SYNPR: variants seen among roughly 807,000 people sequenced by gnomAD.
SYNPR encodes the protein synaptoporin.
Under a neutral mutation model 32.9 loss-of-function variants are expected in SYNPR, and 23 were observed. The observed-to-expected ratio is 0.70, with a 90% CI of 0.50 to 0.99. The LOEUF (loss-of-function observed/expected upper bound fraction) is 0.99. Among genes scored for constraint, SYNPR ranks in the 50% least tolerant of loss-of-function variants. The probability of loss-of-function intolerance (pLI) is 0.00; values close to 1 mark genes in which losing one functional copy is unlikely to be tolerated. For synonymous variants in SYNPR, 146 were observed against 135.9 expected (o/e 1.07, Z -0.52); for missense variants, 318 against 349.3 (o/e 0.91, Z 0.71).
At chr3:63,586,808 T>C (rs1328232858) in intron 4 of SYNPR, among the ~76,000 whole-genome samples, 1 of 151,926 alleles carries the variant, frequency 6.6e-6, no homozygotes, top group Admixed American at 6.6e-5. Context: ...ACAGTGCTTT[T>C]TGCAATGTAG....
chr3:63,265,980 A>G (rs72878289), intron 2 of SYNPR, among the ~76,000 whole-genome samples: 12,046 of 152,298 alleles, frequency 0.079, 1,366 homozygotes, highest in African/African-American at 0.25. Context: ...GCTATAGAGC[A>G]GGAAGAGTAT....
intron 2 of SYNPR, among the ~76,000 whole-genome samples, chr3:63,412,982 A>G (rs1471727104): frequency 6.6e-6 from 1 of 152,138 alleles, no homozygotes; most frequent in East Asian, 1.9e-4. Flanking sequence ...TAGCAGGTGG[A>G]TTTTATGTTT....
upstream of SYNPR, among the ~76,000 whole-genome samples, chr3:63,273,785 A>G (rs1324129381): frequency 2.0e-5 from 3 of 152,250 alleles, no homozygotes; most frequent in Non-Finnish European, 4.4e-5. Flanking sequence ...ATGAACTTTT[A>G]AACTAAACAA....
chr3:63,607,304 A>G (rs1428655057), intron 4 of SYNPR, among the ~76,000 whole-genome samples: 2 of 152,238 alleles, frequency 1.3e-5, no homozygotes, highest in African/African-American at 4.8e-5. Context: ...GCATGAATGA[A>G]TGAAGGTACC....
the SYNPR span, among the ~76,000 whole-genome samples, chr3:63,208,911 T>C: frequency 1.3e-5 from 2 of 152,318 alleles, no homozygotes; most frequent in Admixed American, 6.5e-5. Flanking sequence ...ACTACTTCCC[T>C]CAAAGGTTTG....
rs192402072 is a variant in SYNPR, at chr3:63,404,586, A to T, written c.85-76246A>T. Among the ~76,000 whole-genome samples, 367 of 152,256 alleles carry T rather than the reference A, an allele frequency of 2.4e-3. 5 individuals carry two copies. In the Middle Eastern group the frequency reaches 0.041, roughly 17 times the overall value. On this transcript the variant is annotated intron_variant, in intron 2 of 5. Transcript: ENST00000478300. ...TTTTTATAAACTATCATTTCAATGA[A>T]ATTTTAATTACATGCTTTTTATTCA...
intron 1 of SYNPR, among the ~76,000 whole-genome samples, chr3:63,245,769 T>C (rs2086283360): frequency 6.9e-6 from 1 of 144,040 alleles, no homozygotes; most frequent in Non-Finnish European, 1.5e-5. Flanking sequence ...GTGTGTGTGG[T>C]ATATTTTATA....
chr3:63,606,439 T>TTTTTTTTTTTTG (rs1553651989), intron 4 of SYNPR, among the ~76,000 whole-genome samples: 1 of 145,856 alleles, frequency 6.9e-6, no homozygotes, highest in East Asian at 2.0e-4. Context: ...TTTTTTTTTT[T>TTTTTTTTTTTTG]AGCAATGAGA....
rs1701596844 is a variant in SYNPR at position 63,506,760 on chromosome 3, C to A, written c.209+25804C>A. Reference sequence around the variant, plus strand: ...TTAACAAATTTTCTCATTTTAACTGCAAAAGAGGAGGTATAATCTTAAAAG... The same window carrying A: ...TTAACAAATTTTCTCATTTTAACTGAAAAAGAGGAGGTATAATCTTAAAAG... On this transcript the variant is annotated intron_variant, in intron 3 of 5. Transcript: ENST00000478300. 2.0e-5 allele frequency among the ~76,000 whole-genome samples: 3 copies of A among 152,056 alleles called. No individual in the cohort carries two copies. In the South Asian group the frequency reaches 6.2e-4, roughly 32 times the overall value.
chr3:63,419,977 T>C (rs2088586694), intron 2 of SYNPR, among the ~76,000 whole-genome samples: 1 of 152,212 alleles, frequency 6.6e-6, no homozygotes, highest in South Asian at 2.1e-4. Context: ...GCATAAAATG[T>C]TCAGACCTTA....
intron 2 of SYNPR, among the ~76,000 whole-genome samples, chr3:63,408,308 G>GA (rs1401525947): frequency 7.5e-5 from 8 of 106,254 alleles, no homozygotes; most frequent in African/African-American, 3.5e-4. Context: ...AGGAAGGAAG[G>GA]AAGGAAGGAA....
intron 2 of SYNPR, among the ~76,000 whole-genome samples, chr3:63,309,124 G>A (rs1490119187): frequency 6.6e-6 from 1 of 151,856 alleles, no homozygotes; most frequent in Non-Finnish European, 1.5e-5. Context: ...CTTCTAATCT[G>A]TTATTAATTC....
At chr3:63,390,732 C>T (rs2107083937) in intron 2 of SYNPR, among the ~76,000 whole-genome samples, 1 of 152,318 alleles carries the variant, frequency 6.6e-6, no homozygotes, top group Admixed American at 6.5e-5. Context: ...ATGCACCCCT[C>T]CTCGGGGCCT....
At chr3:63,242,596 A>G (rs1237712447) in intron 1 of SYNPR, among the ~76,000 whole-genome samples, 1 of 152,108 alleles carries the variant, frequency 6.6e-6, no homozygotes, top group African/African-American at 2.4e-5. Flanking sequence ...AGACCCTCAG[A>G]AGAGACAAAG....
At chr3:63,609,888 C>A (rs973466717) in intron 5 of SYNPR, among the ~76,000 whole-genome samples, 3 of 152,118 alleles carry the variant, frequency 2.0e-5, no homozygotes, top group South Asian at 2.1e-4. Flanking sequence ...CCAGCCTGAG[C>A]AACAGAGTGA....
chr3:63,225,287 C>T (rs1033138384), upstream of SYNPR, among the ~76,000 whole-genome samples: 1 of 152,190 alleles, frequency 6.6e-6, no homozygotes, highest in African/African-American at 2.4e-5. Context: ...GAGTTGCAGG[C>T]CATTCATTCC....
At chr3:63,591,005 C>T (rs1015995061) in intron 4 of SYNPR, among the ~76,000 whole-genome samples, 8 of 147,590 alleles carry the variant, frequency 5.4e-5, no homozygotes, top group African/African-American at 2.0e-4. Flanking sequence ...AAACTACCAT[C>T]AGAGTGAACA....
Position 63,616,539 on chromosome 3 carries a change from A to T in SYNPR, c.*1058A>T, listed in dbSNP as rs934374904. The T allele has an allele frequency of 6.6e-6, 1 of 152,636 alleles. No homozygotes were observed. Among genetic ancestry groups the T allele is most frequent in the African/African-American group, 2.4e-5 (1 of 41,450 alleles). The allele number at this position is 152,636 out of a possible 1,614,324, so 9.5% of individuals were successfully genotyped here. A position where few individuals can be genotyped will look rare whatever the true frequency, so the allele number is the denominator to read the frequency against. On this transcript the variant is annotated 3_prime_UTR_variant, in exon 6 of 6. Coordinates refer to ENST00000478300, the MANE Select transcript of SYNPR (RefSeq NM_001130003.2). Reference sequence around the variant, plus strand: ...TCAATGTAATTATTAAAAATTCTCAAGTCACAGCTAAACTTACTAATTCTG... The same window carrying T: ...TCAATGTAATTATTAAAAATTCTCATGTCACAGCTAAACTTACTAATTCTG...
At chr3:63,554,837 A>G (rs35525691) in intron 3 of SYNPR, among the ~76,000 whole-genome samples, 46,764 of 152,012 alleles carry the variant, frequency 0.31, 7,331 homozygotes, top group South Asian at 0.4. Flanking sequence ...GATTCTTCCA[A>G]TCCATGAACA....
Sources: allele counts gnomAD v4.1 joint callset (sites outside exome capture counted in the v4.1 genomes callset), GRCh38; gene constraint gnomAD v4.1.1; transcripts MANE v1.5; gene names NCBI Gene and HGNC (gene_info 2026-07-23, HGNC 2026-07-21).